KIF16B: variants seen among roughly 807,000 people sequenced by gnomAD.
KIF16B encodes the protein kinesin family member 16B.
Under a neutral mutation model 156.3 loss-of-function variants are expected in KIF16B, and 98 were observed. The ratio of observed to expected loss-of-function variants is 0.63; its 90% confidence interval spans 0.53 to 0.74. The LOEUF (loss-of-function observed/expected upper bound fraction) is 0.74. Ranked by LOEUF, KIF16B falls within the 30% of genes least tolerant of loss-of-function variation. The probability of loss-of-function intolerance (pLI) is 0.00; values close to 1 mark genes in which losing one functional copy is unlikely to be tolerated. For synonymous variants in KIF16B, 564 were observed against 583.7 expected (o/e 0.97, Z 0.49); for missense variants, 1,421 against 1,606.5 (o/e 0.88, Z 1.97).
intron 3 of KIF16B, among the ~76,000 whole-genome samples, chr20:16,523,079 A>C (rs2069410182): frequency 6.6e-6 from 1 of 152,196 alleles, no homozygotes; most frequent in Admixed American, 6.5e-5. Flanking sequence ...CCAATATCAT[A>C]CTGAATGGGC....
intron 3 of KIF16B, among the ~76,000 whole-genome samples, chr20:16,524,443 C>T (rs1002590668): frequency 6.6e-6 from 1 of 152,182 alleles, no homozygotes; most frequent in Non-Finnish European, 1.5e-5. Flanking sequence ...CATCACTGGT[C>T]ATTAGAGAAA....
At chr20:16,422,733 T>C (rs187397716) in intron 15 of KIF16B, among the ~76,000 whole-genome samples, 28 of 152,218 alleles carry the variant, frequency 1.8e-4, no homozygotes, top group African/African-American at 6.7e-4. Flanking sequence ...ACTTTCAAAG[T>C]TTTACTGAAA....
intron 23 of KIF16B, among the ~76,000 whole-genome samples, chr20:16,351,122 TCTTCTGCCGATTA>T: frequency 6.6e-6 from 1 of 152,122 alleles, no homozygotes; most frequent in South Asian, 2.1e-4. Context: ...GACAACAAAC[TCTTCTGCCGATTA>T]CTTCCAGATT....
chr20:16,404,828 A>G lies in KIF16B; in HGVS notation c.1769T>C (p.Met590Thr), dbSNP rs1427630846. The G allele has an allele frequency of 3.7e-6, 6 of 1,613,084 alleles. No homozygotes were observed. Among genetic ancestry groups the G allele is most frequent in the Non-Finnish European group, 4.2e-6 (5 of 1,179,274 alleles). ...GTTCACTCACCCGGGGTTATACAAC[A>G]TGACTGCAGACAGGTTCTCACGGGA... is the stretch of plus-strand genomic sequence containing the variant. ...SKSRENLSAV[M>T]LYNPGLEFER... Residue 590 changes from methionine to threonine, a missense_variant, in exon 17 of 26, where the codon ATG becomes ACG. Transcript: ENST00000354981.
chr20:16,346,163 A>G (rs1042380906), intron 23 of KIF16B, among the ~76,000 whole-genome samples: 2 of 152,214 alleles, frequency 1.3e-5, no homozygotes, highest in Admixed American at 6.5e-5. Context: ...CCAACTGCAG[A>G]AATTCTGTTC....
intron 23 of KIF16B, among the ~76,000 whole-genome samples, chr20:16,344,578 C>A (rs1416780784): frequency 6.6e-6 from 1 of 152,186 alleles, no homozygotes; most frequent in Non-Finnish European, 1.5e-5. Context: ...CTCTCTAAGC[C>A]TTCTTGTGGG....
chr20:16,300,195 T>G (rs1017169288), intron 25 of KIF16B, among the ~76,000 whole-genome samples: 1 of 152,196 alleles, frequency 6.6e-6, no homozygotes, highest in Non-Finnish European at 1.5e-5. Flanking sequence ...CAATGATTGA[T>G]TCATATAGAC....
intron 12 of KIF16B, among the ~76,000 whole-genome samples, chr20:16,444,135 C>G (rs545394634): frequency 6.6e-6 from 1 of 152,332 alleles, no homozygotes; most frequent in South Asian, 2.1e-4. Context: ...TATAAAATCT[C>G]ACATCTTTCA....
At chr20:16,370,304 T>C (rs769101976) in intron 22 of KIF16B, among the ~76,000 whole-genome samples, 3 of 152,216 alleles carry the variant, frequency 2.0e-5, no homozygotes, top group Non-Finnish European at 2.9e-5. Context: ...ATTATATAAT[T>C]CTGCCTTTTA....
chr20:16,524,061 C>T (rs565965416), intron 3 of KIF16B, among the ~76,000 whole-genome samples: 3 of 152,046 alleles, frequency 2.0e-5, no homozygotes, highest in Non-Finnish European at 4.4e-5. Flanking sequence ...GACCTAGGAC[C>T]ATAAAAACCA....
intron 19 of KIF16B, among the ~76,000 whole-genome samples, 160 bp downstream of exon 19, chr20:16,378,645 T>A (rs1443908256): frequency 6.6e-6 from 1 of 152,042 alleles, no homozygotes; most frequent in Non-Finnish European, 1.5e-5. Context: ...GGAGTACTTT[T>A]CTCAGTTCTG....
chr20:16,445,215 AG>A (rs2066900649), intron 12 of KIF16B, among the ~76,000 whole-genome samples: 1 of 140,332 alleles, frequency 7.1e-6, no homozygotes, highest in East Asian at 2.1e-4. Context: ...AAGAAGGAAA[AG>A]AAAAAAAAAG....
At position 16,530,711 on chromosome 20, in the gene KIF16B, T is replaced by G. The variant is rs113297363; in HGVS notation, c.48-2271A>C. Among the ~76,000 whole-genome samples the G allele has an allele frequency of 8.2e-3, 1,241 of 151,730 alleles. 23 individuals carry two copies. The highest frequency in any genetic ancestry group is 0.029 in the African/African-American group (1,184 of 41,226). ...GCTGTGTTTTGTTGTTGTTGTTTGG[T>G]TTTTTTTGAGACAGGGTTTCGCTCC... On this transcript the variant is annotated intron_variant, in intron 1 of 25. Transcript: ENST00000354981.
intron 22 of KIF16B, chr20:16,367,238 C>T: frequency 1.2e-6 from 2 of 1,612,862 alleles, no homozygotes; most frequent in Non-Finnish European, 1.7e-6. Context: ...TTCTGACTGC[C>T]TTGAAGATAC....
At chr20:16,516,797 A>G (rs1419895708) in intron 3 of KIF16B, among the ~76,000 whole-genome samples, 1 of 152,222 alleles carries the variant, frequency 6.6e-6, no homozygotes, top group Non-Finnish European at 1.5e-5. Context: ...GAAAAGTCCA[A>G]TGGCCAGGCC....
At chr20:16,571,012 C>G (rs1165144042) in intron 1 of KIF16B, among the ~76,000 whole-genome samples, 1 of 152,186 alleles carries the variant, frequency 6.6e-6, no homozygotes, top group Non-Finnish European at 1.5e-5. Context: ...GGATGGATGT[C>G]CTTCCCACAC....
chr20:16,293,862 A>C (rs1414264770), intron 25 of KIF16B, among the ~76,000 whole-genome samples: 2 of 152,062 alleles, frequency 1.3e-5, no homozygotes, highest in African/African-American at 4.8e-5. Context: ...GTCCTGACTC[A>C]GTGCATGGGA....
intron 1 of KIF16B, among the ~76,000 whole-genome samples, chr20:16,557,117 T>C (rs971364852): frequency 6.7e-6 from 1 of 148,436 alleles, no homozygotes; most frequent in South Asian, 2.1e-4. Context: ...TAATCATTAA[T>C]ATTAATCATT....
chr20:16,447,779 ATATGGG>A (rs2066973568), intron 12 of KIF16B, among the ~76,000 whole-genome samples: 3 of 152,180 alleles, frequency 2.0e-5, no homozygotes, highest in African/African-American at 7.2e-5. Flanking sequence ...AATATTGGTT[ATATGGG>A]CCATACCCTG....
Sources: gnomAD v4.1 joint callset for allele counts (sites outside exome capture counted in the v4.1 genomes callset) on GRCh38, gnomAD v4.1.1 for gene constraint, MANE v1.5 for transcripts, NCBI Gene and HGNC (gene_info 2026-07-23, HGNC 2026-07-21) for gene names.